BDH1: variants seen among roughly 807,000 people sequenced by gnomAD.
The protein encoded by BDH1 is D-beta-hydroxybutyrate dehydrogenase, mitochondrial.
A neutral mutation model predicts 33.1 loss-of-function variants in BDH1; 30 were observed. The observed-to-expected ratio is 0.91, with a 90% CI of 0.68 to 1.23. The LOEUF (loss-of-function observed/expected upper bound fraction) is 1.23, where lower values mean the gene tolerates loss of function less well. Ranked by LOEUF, BDH1 falls within the 50% of genes most tolerant of loss-of-function variation. The pLI is 0.00. For missense variants in BDH1, 443 were observed against 464.4 expected (o/e 0.95, Z 0.42); for synonymous variants, 190 against 183.6 (o/e 1.03, Z -0.28).
intron 1 of BDH1, among the ~76,000 whole-genome samples, chr3:197,567,241 A>T (rs955816514): frequency 9.8e-5 from 15 of 152,308 alleles, no homozygotes; most frequent in Middle Eastern, 3.4e-3. Context: ...AAAAGATTTT[A>T]AAAAGAAAAG....
At chr3:197,539,566 T>C (rs1399360534) in intron 3 of BDH1, among the ~76,000 whole-genome samples, 1 of 152,214 alleles carries the variant, frequency 6.6e-6, no homozygotes, top group African/African-American at 2.4e-5. Flanking sequence ...TAAACCATAA[T>C]TTATAGCCAT....
intron 1 of BDH1, among the ~76,000 whole-genome samples, chr3:197,555,113 C>T (rs1716907333): frequency 1.3e-5 from 2 of 152,276 alleles, no homozygotes; most frequent in African/African-American, 4.8e-5. Flanking sequence ...ACTCTGGCAT[C>T]CCCAGCCTGT....
intron 3 of BDH1, 119 bp from the exon 4 acceptor site, chr3:197,533,680 A>C: frequency 1.1e-6 from 1 of 926,446 alleles, no homozygotes. Context: ...GCTTGCTGGT[A>C]CAACTGAGTA....
rs141313997 is a variant in BDH1, at chr3:197,533,065, T to A, written c.156+424A>T. ...GCTAATTTTGTATTTTTAGTAGAGA[T>A]GGGGTTTCTCCATGTTGGCCAGGCT... On this transcript the variant is annotated intron_variant, in intron 4 of 7. Coordinates refer to ENST00000392379, the MANE Select transcript of BDH1 (RefSeq NM_203314.3). Among the ~76,000 whole-genome samples, 948 of 152,210 alleles carry A rather than the reference T, an allele frequency of 6.2e-3. 33 individuals are homozygous for A. The East Asian group carries it at 0.064, about 10-fold the overall frequency.
At chr3:197,512,397 G>A (rs1712169204) in intron 7 of BDH1, 33 bp from the exon 8 acceptor site, 6 of 1,569,074 alleles carry the variant, frequency 3.8e-6, no homozygotes, top group Admixed American at 1.7e-5. Context: ...CTGCTAAGCC[G>A]TTACTGCCCT....
At position 197,522,195 on chromosome 3, in the gene BDH1, C is replaced by A. The variant is rs75236142; in HGVS notation, c.409+445G>T. Among the ~76,000 whole-genome samples the A allele has an allele frequency of 3.1e-3, 466 of 152,320 alleles. 2 individuals are homozygous for A. Among genetic ancestry groups the A allele is most frequent in the Non-Finnish European group, 5.4e-3 (370 of 68,022 alleles). On this transcript the variant is annotated intron_variant, in intron 6 of 7. Transcript: ENST00000392379. The surrounding 1 kb of genome is among the most constrained non-coding windows in gnomAD (Gnocchi z 4.8). ...CCTTAACTGGCCTATTTCCACTGCG[C>A]CCCCATGGCTGGACTGACCCCTCCT...
Position 197,521,620 on chromosome 3 carries a change from T to A in BDH1, c.409+1020A>T, listed in dbSNP as rs1285101088. Among the ~76,000 whole-genome samples the A allele has an allele frequency of 2.0e-5, 3 of 152,118 alleles. No homozygotes were observed. The highest frequency in any genetic ancestry group is 7.2e-5 in the African/African-American group (3 of 41,406). On this transcript the variant is annotated intron_variant, in intron 6 of 7. Coordinates refer to ENST00000392379, the MANE Select transcript of BDH1 (RefSeq NM_203314.3). The surrounding 1 kb of genome is among the most constrained non-coding windows in gnomAD (Gnocchi z 4.9). ...TTCTAGCCTGGACATTCCCTCAGGG[T>A]GGGCGCTTCAGTGTCTCCCTATCTC...
upstream of BDH1, among the ~76,000 whole-genome samples, chr3:197,557,578 T>G (rs1717110916): frequency 1.3e-5 from 2 of 152,102 alleles, no homozygotes; most frequent in Admixed American, 1.3e-4. The surrounding 1 kb of genome is among the most constrained non-coding windows in gnomAD (Gnocchi z 4.6). Flanking sequence ...AACCCTGCCC[T>G]TCGTAGTGGA....
chr3:197,547,676 G>A (rs1002793711), intron 2 of BDH1, among the ~76,000 whole-genome samples: 1 of 152,244 alleles, frequency 6.6e-6, no homozygotes, highest in African/African-American at 2.4e-5. Context: ...CAAGCTATGC[G>A]ACTTCCGTGT....
chr3:197,542,521 C>CTTGTTTTTT (rs1715723409), intron 3 of BDH1, among the ~76,000 whole-genome samples: 1 of 106,448 alleles, frequency 9.4e-6, no homozygotes, highest in Non-Finnish European at 1.8e-5. Flanking sequence ...TTCTTGCTTG[C>CTTGTTTTTT]TTTTTTTTTT....
intron 1 of BDH1, among the ~76,000 whole-genome samples, chr3:197,561,448 C>G (rs1287009398): frequency 6.6e-6 from 1 of 151,820 alleles, no homozygotes; most frequent in African/African-American, 2.4e-5. Flanking sequence ...TGAGCTCACT[C>G]CCAGCAGGGA....
chr3:197,549,545 C>T (rs1463015573), intron 2 of BDH1, among the ~76,000 whole-genome samples: 1 of 152,218 alleles, frequency 6.6e-6, no homozygotes, highest in African/African-American at 2.4e-5. Flanking sequence ...AACCGGGTCA[C>T]ACAAGGCAGG....
intron 3 of BDH1, among the ~76,000 whole-genome samples, chr3:197,539,785 A>G (rs1040562742): frequency 6.6e-6 from 1 of 152,170 alleles, no homozygotes; most frequent in African/African-American, 2.4e-5. Flanking sequence ...GGCCCAACCA[A>G]TCAACACTCT....
chr3:197,557,963 T>C (rs1717129259), upstream of BDH1, among the ~76,000 whole-genome samples: 2 of 152,188 alleles, frequency 1.3e-5, no homozygotes, highest in Admixed American at 1.3e-4. The surrounding 1 kb of genome is among the most constrained non-coding windows in gnomAD (Gnocchi z 4.6). Flanking sequence ...AATAAATCAC[T>C]ATACTAAAAT....
exon 1 of BDH1, chr3:197,573,206 A>C (rs1486171186): frequency 6.6e-6 from 1 of 152,200 alleles, no homozygotes; most frequent in Non-Finnish European, 1.5e-5. Flanking sequence ...CCTCAGCACT[A>C]TCAGCATGCA....
chr3:197,540,977 C>T (rs7651427), intron 3 of BDH1, among the ~76,000 whole-genome samples: 1 of 152,132 alleles, frequency 6.6e-6, no homozygotes, highest in East Asian at 1.9e-4. Context: ...GCTAGCATGA[C>T]AGTGCCTCCT....
chr3:197,515,367 G>A (rs1332475274), intron 6 of BDH1: 10 of 985,536 alleles, frequency 1.0e-5, no homozygotes, highest in African/African-American at 8.7e-5. Flanking sequence ...CTGTGACCTC[G>A]CTCAGATGCT....
intron 2 of BDH1, among the ~76,000 whole-genome samples, chr3:197,547,765 T>C (rs1716205879): frequency 6.6e-6 from 1 of 152,182 alleles, no homozygotes; most frequent in Non-Finnish European, 1.5e-5. Flanking sequence ...CACCCTCCTC[T>C]TTGCTCACTG....
At chr3:197,527,671 T>G (rs1215833386) in intron 5 of BDH1, among the ~76,000 whole-genome samples, 6 of 152,134 alleles carry the variant, frequency 3.9e-5, no homozygotes, top group African/African-American at 1.4e-4. Flanking sequence ...CTTCATGCTG[T>G]TTCTCAGATG....
Sources: allele counts gnomAD v4.1 joint callset (sites outside exome capture counted in the v4.1 genomes callset), GRCh38; gene constraint gnomAD v4.1.1; non-coding constraint Gnocchi (gnomAD v3.1); transcripts MANE v1.5; gene names NCBI Gene and HGNC (gene_info 2026-07-23, HGNC 2026-07-21).